Variants in DMD observed in about 807,000 individuals in gnomAD.
DMD encodes mutant dystrophin.
In DMD, 63 loss-of-function variants were observed where a neutral mutation model predicts 330.1. The observed-to-expected ratio is 0.19, with a 90% CI of 0.16 to 0.24. The LOEUF is 0.24. DMD is among the 10% of genes least tolerant of loss of function. The pLI is 1.00. For missense variants in DMD, 3,344 were observed against 2,684.1 expected, an observed-to-expected ratio of 1.25 and a Z score of -5.43; for synonymous variants, 1,223 against 959.8, an observed-to-expected ratio of 1.27 and a Z score of -5.07.
intron 57 of DMD, among the ~76,000 whole-genome samples, chrX:31,494,821 T>C (rs61402063): frequency 0.039 from 4,355 of 112,046 alleles, 162 homozygotes; most frequent in African/African-American, 0.11. Flanking sequence ...TATGAAGAAA[T>C]ATGACTAGAA....
At chrX:32,052,983 T>G (rs988163597) in intron 44 of DMD, among the ~76,000 whole-genome samples, 2 of 111,403 alleles carry the variant, frequency 1.8e-5, no homozygotes, top group Admixed American at 9.6e-5. Flanking sequence ...ACTTGGGCAA[T>G]AAAGAATACT....
intron 12 of DMD, among the ~76,000 whole-genome samples, chrX:32,607,642 C>T (rs188326784): frequency 1.0e-3 from 113 of 110,038 alleles, no homozygotes; most frequent in Admixed American, 4.2e-3. Flanking sequence ...TATTTTAACA[C>T]GGGATTGGAT....
intron 1 of DMD, among the ~76,000 whole-genome samples, chrX:33,113,476 C>A (rs1387022694): frequency 4.5e-5 from 5 of 111,887 alleles, no homozygotes; most frequent in Non-Finnish European, 9.4e-5. Context: ...GTTGGTCTCC[C>A]AATAAATTTC....
At position 31,210,848 on chromosome X, in the gene DMD, T is replaced by C. The variant is rs12389409; in HGVS notation, c.9362-1149A>G. Among the ~76,000 whole-genome samples, 7,239 of 112,372 alleles carry C rather than the reference T, an allele frequency of 0.064. 175 individuals carry two copies. Among genetic ancestry groups the C allele is most frequent in the Middle Eastern group, 0.12 (27 of 218 alleles). ...AATATTAAGAAAAAAACAAAAATAG[T>C]GGTTAATACCTATGTAGGTTTGTGC... is the stretch of plus-strand genomic sequence containing the variant. On this transcript the variant is annotated intron_variant, in intron 64 of 78. Transcript: ENST00000357033.
chrX:32,828,682 T>C (rs2078938063), intron 4 of DMD, among the ~76,000 whole-genome samples: 1 of 110,658 alleles, frequency 9.0e-6, no homozygotes. Flanking sequence ...TATATACACA[T>C]ATATATGTAA....
intron 7 of DMD, among the ~76,000 whole-genome samples, chrX:32,711,035 G>T (rs995943918): frequency 3.6e-5 from 4 of 111,495 alleles, no homozygotes; most frequent in Non-Finnish European, 7.5e-5. Context: ...AACTCCCTTT[G>T]ACTAGATATT....
intron 1 of DMD, among the ~76,000 whole-genome samples, chrX:33,253,128 T>C (rs914483722): frequency 1.9e-5 from 2 of 104,368 alleles, no homozygotes; most frequent in Non-Finnish European, 1.9e-5. Context: ...TTGATCATTA[T>C]ACATTACATA....
intron 59 of DMD, among the ~76,000 whole-genome samples, chrX:31,474,308 G>T (rs2067559112): frequency 9.0e-6 from 1 of 111,432 alleles, no homozygotes. Flanking sequence ...ATATTACTTA[G>T]TTTCTTGAAT....
At chrX:31,329,303 C>T (rs888278830) in intron 61 of DMD, among the ~76,000 whole-genome samples, 21 of 111,187 alleles carry the variant, frequency 1.9e-4, no homozygotes, top group South Asian at 3.8e-4. Context: ...GAAGGAAGAT[C>T]GTACAAAGAG....
At chrX:31,487,327 C>G (rs982248169) in intron 57 of DMD, among the ~76,000 whole-genome samples, 1 of 107,878 alleles carries the variant, frequency 9.3e-6, no homozygotes, top group African/African-American at 3.4e-5. Context: ...GGTGCGCGAT[C>G]TCGGCTCACT....
chrX:31,679,311 C>A, intron 53 of DMD, 64 bp downstream of exon 53: 1 of 948,830 alleles, frequency 1.1e-6, no homozygotes, highest in Non-Finnish European at 1.5e-6. Context: ...AAATTACAAT[C>A]TATGGTATAA....
In DMD at chrX:31,627,655, C is replaced by T. The variant is rs1459365446; in HGVS notation, c.8217+18G>A. On this transcript the variant is annotated intron_variant, in intron 55 of 78. Coordinates refer to ENST00000357033, the MANE Select transcript of DMD (RefSeq NM_004006.3). ...AATTGGATCCACAAGAGTGCTAAAG[C>T]GGAAATGCCTGACTTACTTGCCATT... is the stretch of plus-strand genomic sequence containing the variant. The T allele has an allele frequency of 4.1e-6, 5 of 1,206,484 alleles. No individual in the cohort carries two copies. Among genetic ancestry groups the T allele is most frequent in the African/African-American group, 1.7e-5 (1 of 57,727 alleles).
At chrX:32,443,778 A>T (rs1319595112) in intron 27 of DMD, among the ~76,000 whole-genome samples, 1 of 111,339 alleles carries the variant, frequency 9.0e-6, no homozygotes, top group Non-Finnish European at 1.9e-5. Flanking sequence ...AACAGTTTGG[A>T]TCTTAAAATT....
intron 44 of DMD, among the ~76,000 whole-genome samples, chrX:31,970,359 TAGAGATTC>T (rs965507481): frequency 6.3e-5 from 7 of 110,700 alleles, no homozygotes; most frequent in Admixed American, 9.7e-5. Context: ...CTGATCCTCC[TAGAGATTC>T]AAATAAATAA....
intron 7 of DMD, among the ~76,000 whole-genome samples, chrX:32,790,697 T>C (rs948570816): frequency 1.8e-5 from 2 of 111,709 alleles, no homozygotes; most frequent in Non-Finnish European, 3.8e-5. Flanking sequence ...CTCAACTTCA[T>C]GCACACTGAA....
At chrX:32,742,236 A>C (rs752249818) in intron 7 of DMD, among the ~76,000 whole-genome samples, 3 of 112,021 alleles carry the variant, frequency 2.7e-5, no homozygotes, top group African/African-American at 9.7e-5. Flanking sequence ...CAATCCAACT[A>C]ATATGTCTTT....
intron 7 of DMD, among the ~76,000 whole-genome samples, chrX:32,757,947 CAGGAGG>C (rs1220730003): frequency 9.0e-6 from 1 of 111,229 alleles, no homozygotes; most frequent in Admixed American, 9.6e-5. Context: ...GCTCTAGCAA[CAGGAGG>C]AGGAGGAGGA....
intron 1 of DMD, among the ~76,000 whole-genome samples, chrX:33,045,592 G>A (rs1428132926): frequency 1.8e-5 from 2 of 110,619 alleles, no homozygotes; most frequent in African/African-American, 6.6e-5. Flanking sequence ...AAGAGAAGAA[G>A]AGGGGGAAGT....
intron 1 of DMD, among the ~76,000 whole-genome samples, chrX:33,275,154 C>A (rs1420616001): frequency 2.7e-5 from 3 of 112,248 alleles, no homozygotes; most frequent in Admixed American, 9.5e-5. Context: ...AGCTTTTGTG[C>A]AAATTAGTTG....
Sources: allele counts gnomAD v4.1 joint callset (sites outside exome capture counted in the v4.1 genomes callset), GRCh38; gene constraint gnomAD v4.1.1; transcripts MANE v1.5; gene names NCBI Gene and HGNC (gene_info 2026-07-23, HGNC 2026-07-21).